RPTOR: variants seen among roughly 807,000 people sequenced by gnomAD.
RPTOR encodes regulatory associated protein of MTOR complex 1.
A neutral mutation model predicts 169.9 loss-of-function variants in RPTOR; 21 were observed. The ratio of observed to expected loss-of-function variants is 0.12; its 90% CI spans 0.09 to 0.18. RPTOR has a LOEUF of 0.18. Among genes scored for constraint, RPTOR ranks in the 10% least tolerant of loss-of-function variants. The pLI is 1.00. For synonymous variants in RPTOR, 732 were observed against 753.2 expected, an observed-to-expected ratio of 0.97 and a Z score of 0.46; for missense variants, 1,133 against 1,855.9, an observed-to-expected ratio of 0.61 and a Z score of 7.16.
rs145564635 is a variant in RPTOR, at chr17:80,610,395, C to A, written c.163-15296C>A. On this transcript the variant is annotated intron_variant, in intron 1 of 33. Transcript: ENST00000306801. ...GGTTGTCAATTACTGTAGCTCATTA[C>A]GGTGAGCAAGTATGTCTTGTTAGTA... 5.0e-3 allele frequency among the ~76,000 whole-genome samples: 761 copies of A among 152,258 alleles called. 4 individuals are homozygous for A. Among genetic ancestry groups the A allele is most frequent in the Middle Eastern group, 0.014 (4 of 294 alleles).
At chr17:80,586,387 T>G (rs1481128808) in intron 1 of RPTOR, among the ~76,000 whole-genome samples, 2 of 152,224 alleles carry the variant, frequency 1.3e-5, no homozygotes, top group Non-Finnish European at 2.9e-5. Flanking sequence ...GGTCATGGAT[T>G]GGGGAAAGTT....
At chr17:80,690,928 G>A (rs1391926940) in intron 3 of RPTOR, among the ~76,000 whole-genome samples, 2 of 152,060 alleles carry the variant, frequency 1.3e-5, no homozygotes, top group Non-Finnish European at 2.9e-5. Flanking sequence ...CCAAGTAGCT[G>A]GGACCACAGG....
chr17:80,883,225 G>A (rs1024817464), intron 14 of RPTOR, among the ~76,000 whole-genome samples, 194 bp from the exon 15 acceptor site: 2 of 152,228 alleles, frequency 1.3e-5, no homozygotes, highest in African/African-American at 4.8e-5. Context: ...AGGCGAGCCT[G>A]GAGCTCTAAG....
intron 13 of RPTOR, among the ~76,000 whole-genome samples, chr17:80,879,399 G>GCCTGCCCTGCCCCCA (rs1328260276): frequency 1.1e-4 from 1 of 9,518 alleles, no homozygotes; most frequent in Non-Finnish European, 2.4e-4. Context: ...CCCTGCCCCC[G>GCCTGCCCTGCCCCCA]CCTGCCCTGC....
At chr17:80,631,563 T>C (rs1311639464) in intron 2 of RPTOR, among the ~76,000 whole-genome samples, 1 of 152,172 alleles carries the variant, frequency 6.6e-6, no homozygotes, top group Non-Finnish European at 1.5e-5. Context: ...TGCCCTGCGG[T>C]CTCAGCTCCC....
intron 28 of RPTOR, among the ~76,000 whole-genome samples, chr17:80,951,109 AC>A (rs1233133691): frequency 6.9e-6 from 1 of 144,434 alleles, no homozygotes; most frequent in African/African-American, 2.6e-5. Flanking sequence ...GGTCCCTGAG[AC>A]CCCCCGGAAG....
intron 28 of RPTOR, among the ~76,000 whole-genome samples, chr17:80,955,642 C>T (rs2069238182): frequency 6.6e-6 from 1 of 151,994 alleles, no homozygotes; most frequent in African/African-American, 2.4e-5. Flanking sequence ...CTACGAGTTA[C>T]AGAATATATA....
intron 3 of RPTOR, among the ~76,000 whole-genome samples, chr17:80,706,290 A>G (rs2066141461): frequency 6.6e-6 from 1 of 152,030 alleles, no homozygotes; most frequent in Non-Finnish European, 1.5e-5. Context: ...AAGGTCGTAG[A>G]TTTACTCTGT....
At chr17:80,559,522 G>C (rs375654292) in intron 1 of RPTOR, among the ~76,000 whole-genome samples, 5 of 152,324 alleles carry the variant, frequency 3.3e-5, no homozygotes, top group African/African-American at 4.8e-5. Context: ...AGCCACGAAC[G>C]TGTGCATTTA....
At chr17:80,781,969 G>A (rs1364984675) in intron 6 of RPTOR, among the ~76,000 whole-genome samples, 7 of 152,210 alleles carry the variant, frequency 4.6e-5, no homozygotes, top group Non-Finnish European at 1.0e-4. Context: ...CAGGCGTGCA[G>A]CCATGTCAGA....
intron 4 of RPTOR, among the ~76,000 whole-genome samples, chr17:80,719,931 G>T (rs946675661): frequency 6.6e-6 from 1 of 151,912 alleles, no homozygotes; most frequent in Admixed American, 6.6e-5. Context: ...TTGGTTTTTT[G>T]TTTTTTTAAT....
intron 1 of RPTOR, among the ~76,000 whole-genome samples, chr17:80,569,191 T>C (rs961844495): frequency 1.3e-5 from 2 of 152,246 alleles, no homozygotes; most frequent in Admixed American, 1.3e-4. Context: ...CAGGCTTTCC[T>C]GCTTTTTCTT....
intron 7 of RPTOR, among the ~76,000 whole-genome samples, chr17:80,818,341 T>C (rs2067344977): frequency 6.6e-6 from 1 of 152,208 alleles, no homozygotes; most frequent in African/African-American, 2.4e-5. Context: ...AAGAGCCACC[T>C]TGATCATTAA....
chr17:80,669,675 G>A (rs771102218), intron 3 of RPTOR, among the ~76,000 whole-genome samples: 2 of 152,224 alleles, frequency 1.3e-5, no homozygotes, highest in Non-Finnish European at 1.5e-5. Flanking sequence ...GCGCCACCGC[G>A]CCCGGCCCAG....
At chr17:80,832,905 C>A (rs1312256241) in intron 9 of RPTOR, among the ~76,000 whole-genome samples, 2 of 152,192 alleles carry the variant, frequency 1.3e-5, no homozygotes, top group East Asian at 3.8e-4. Flanking sequence ...GGGAACAAAG[C>A]CTAACAAACA....
intron 3 of RPTOR, among the ~76,000 whole-genome samples, chr17:80,670,052 A>G (rs1055367415): frequency 5.9e-5 from 9 of 152,334 alleles, no homozygotes; most frequent in Non-Finnish European, 1.0e-4. Context: ...TCTGAATAAT[A>G]GTTTAAAACC....
intron 5 of RPTOR, among the ~76,000 whole-genome samples, chr17:80,744,103 GCA>G (rs1474359992): frequency 1.8e-5 from 2 of 112,918 alleles, no homozygotes; most frequent in Non-Finnish European, 4.1e-5. Flanking sequence ...CTGGTTACTA[GCA>G]CAGCCCTGGT....
intron 6 of RPTOR, among the ~76,000 whole-genome samples, chr17:80,761,797 G>A (rs888676309): frequency 8.5e-5 from 13 of 152,164 alleles, no homozygotes; most frequent in South Asian, 4.1e-4. Context: ...ACAACAGTCC[G>A]ATGACTTTGT....
chr17:80,602,904 C>T (rs2065201089), intron 1 of RPTOR: 5 of 460,742 alleles, frequency 1.1e-5, no homozygotes, highest in Non-Finnish European at 1.6e-5. Context: ...TTTCTTCTCG[C>T]CATCCTTTTC....
Sources: gnomAD v4.1 joint callset for allele counts (sites outside exome capture counted in the v4.1 genomes callset) on GRCh38, gnomAD v4.1.1 for gene constraint, MANE v1.5 for transcripts, NCBI Gene and HGNC (gene_info 2026-07-23, HGNC 2026-07-21) for gene names.